The following SCN8A variants were observed in gnomAD, a reference collection of about 807,000 sequenced individuals.
The protein encoded by SCN8A is sodium channel protein type 8 subunit alpha.
In SCN8A, 30 loss-of-function variants were observed where a neutral mutation model predicts 184.1. The observed-to-expected ratio is 0.16, with a 90% CI of 0.12 to 0.22. The LOEUF (loss-of-function observed/expected upper bound fraction) is 0.22. Ranked by LOEUF, SCN8A falls within the 10% of genes least tolerant of loss-of-function variation. SCN8A has a pLI of 1.00. For missense variants in SCN8A, 1,057 were observed against 2,498.9 expected (o/e 0.42, Z 12.30); for synonymous variants, 852 against 907.0 (o/e 0.94, Z 1.09).
chr12:51,696,525 C>A (rs187298638), intron 6 of SCN8A, among the ~76,000 whole-genome samples: 37 of 152,120 alleles, frequency 2.4e-4, no homozygotes, highest in Non-Finnish European at 4.9e-4. Context: ...GATTATGATA[C>A]GATTTCCCAG....
intron 26 of SCN8A, among the ~76,000 whole-genome samples, chr12:51,797,161 ATACT>A (rs1211540462): frequency 6.6e-5 from 10 of 152,196 alleles, no homozygotes; most frequent in Non-Finnish European, 1.2e-4. Flanking sequence ...TCCTGAAATC[ATACT>A]TAATCTCCAA....
chr12:51,653,473 G>T (rs1940759581), intron 1 of SCN8A, among the ~76,000 whole-genome samples: 1 of 152,030 alleles, frequency 6.6e-6, no homozygotes, highest in Non-Finnish European at 1.5e-5. Flanking sequence ...ATTTTTTCAA[G>T]ATTCCTCCAT....
At chr12:51,747,089 A>G (rs375159) in intron 13 of SCN8A, among the ~76,000 whole-genome samples, 31,756 of 81,082 alleles carry the variant, frequency 0.39, 4,651 homozygotes, top group East Asian at 0.53. Context: ...CTCTGTGTGT[A>G]TGTGTGTGTG....
chr12:51,677,497 T>C (rs1266444226), intron 2 of SCN8A, among the ~76,000 whole-genome samples: 2 of 152,090 alleles, frequency 1.3e-5, no homozygotes, highest in African/African-American at 4.8e-5. Context: ...GTGATGACTG[T>C]GTGTGTTCAT....
rs116017760 is a variant in SCN8A at position 51,795,115 on chromosome 12, T to C, written c.4795+474T>C. Among the ~76,000 whole-genome samples, 907 of 152,284 alleles carry C rather than the reference T, an allele frequency of 6.0e-3. 6 individuals are homozygous for C. Among genetic ancestry groups the C allele is most frequent in the African/African-American group, 0.021 (867 of 41,562 alleles). On this transcript the variant is annotated intron_variant, in intron 26 of 26. Coordinates refer to ENST00000627620, the MANE Select transcript of SCN8A (RefSeq NM_001330260.2). The stretch of plus-strand genomic sequence containing the variant: ...TACTGAGATTTTACTGTGGGCCAAC[T>C]ACAGTTTGAGAGTTTCTTCACCTGT...
intron 1 of SCN8A, among the ~76,000 whole-genome samples, chr12:51,628,057 T>G (rs1940118661): frequency 6.6e-6 from 1 of 152,154 alleles, no homozygotes; most frequent in African/African-American, 2.4e-5. Flanking sequence ...GGAATGGAGT[T>G]GATAAAAAGG....
chr12:51,739,929 T>C (rs557512797), intron 12 of SCN8A, among the ~76,000 whole-genome samples: 1 of 152,344 alleles, frequency 6.6e-6, no homozygotes, highest in East Asian at 1.9e-4. Flanking sequence ...AGCAAACCAG[T>C]CATTAGCATT....
intron 21 of SCN8A, among the ~76,000 whole-genome samples, chr12:51,785,884 A>G (rs1429659540): frequency 2.0e-5 from 3 of 152,212 alleles, no homozygotes; most frequent in Non-Finnish European, 4.4e-5. Context: ...AAAAGCCTAC[A>G]AAGTCAGAAT....
At chr12:51,643,317 C>T (rs1419532396) in intron 1 of SCN8A, among the ~76,000 whole-genome samples, 1 of 152,184 alleles carries the variant, frequency 6.6e-6, no homozygotes, top group Non-Finnish European at 1.5e-5. Context: ...GTTCGAGTCT[C>T]GCTTTCTTTC....
At chr12:51,630,668 A>G (rs1217342022) in intron 1 of SCN8A, among the ~76,000 whole-genome samples, 1 of 152,112 alleles carries the variant, frequency 6.6e-6, no homozygotes, top group East Asian at 1.9e-4. Context: ...AGTGCTGGGC[A>G]CTGGCTCATG....
intron 2 of SCN8A, among the ~76,000 whole-genome samples, chr12:51,668,627 T>C (rs1941077985): frequency 6.6e-6 from 1 of 152,168 alleles, no homozygotes. Context: ...GCAGTGCTTC[T>C]GGGGGAAAGG....
chr12:51,706,386 C>T (rs776407059), intron 10 of SCN8A, 36 bp from the exon 11 acceptor site: 61 of 1,498,146 alleles, frequency 4.1e-5, no homozygotes, highest in Non-Finnish European at 5.0e-5. Flanking sequence ...AGTTAATTGC[C>T]CTGGTCTGGC....
At chr12:51,755,630 A>G (rs1305023404) in intron 14 of SCN8A, among the ~76,000 whole-genome samples, 1 of 152,084 alleles carries the variant, frequency 6.6e-6, no homozygotes, top group Non-Finnish European at 1.5e-5. Flanking sequence ...TAGAAAACTA[A>G]AAAAAAAGGA....
chr12:51,784,633 T>A (rs1271395697), intron 21 of SCN8A, among the ~76,000 whole-genome samples: 1 of 152,220 alleles, frequency 6.6e-6, no homozygotes, highest in Non-Finnish European at 1.5e-5. Flanking sequence ...TTGGATTTTA[T>A]AGGATTTTAT....
Position 51,806,194 on chromosome 12 carries a change from T to G in SCN8A, c.4796-88T>G. On this transcript the variant is annotated intron_variant, in intron 26 of 26. Coordinates refer to ENST00000627620, the MANE Select transcript of SCN8A (RefSeq NM_001330260.2). This position sits in a 1 kb window ranked among gnomAD's most constrained non-coding sequence, Gnocchi z 8.7. ...CTTATTCTGCAAAGCCCTTTGAACC[T>G]AAGGGTTCCACAATGCCAGGTAAAA... is the stretch of plus-strand genomic sequence containing the variant. The G allele has an allele frequency of 7.9e-7, 1 of 1,271,308 alleles. No individual in the cohort carries two copies. Among genetic ancestry groups the G allele is most frequent in the Non-Finnish European group, 1.1e-6 (1 of 927,088 alleles). The allele number at this position is 1,271,308 out of a possible 1,614,324, so 78.8% of individuals were successfully genotyped here. A position where few individuals can be genotyped will look rare whatever the true frequency, so the allele number is the denominator to read the frequency against.
rs373206869 is a variant in SCN8A at position 51,658,588 on chromosome 12, A to G, written c.-54-4176A>G. 9.2e-5 allele frequency among the ~76,000 whole-genome samples: 14 copies of G among 152,288 alleles called. No individual in the cohort carries two copies. In the South Asian group the frequency reaches 1.7e-3, roughly 18 times the overall value. On this transcript the variant is annotated intron_variant, in intron 1 of 26. Coordinates refer to ENST00000627620, the MANE Select transcript of SCN8A (RefSeq NM_001330260.2). Reference sequence around the variant, plus strand: ...AAAGGCTCACATATTGTGTGAGTCCATTTATATGAAACATCTAGAATAGAT... The same window carrying G: ...AAAGGCTCACATATTGTGTGAGTCCGTTTATATGAAACATCTAGAATAGAT...
chr12:51,623,882 G>C (rs1940018887), intron 1 of SCN8A, among the ~76,000 whole-genome samples: 1 of 152,042 alleles, frequency 6.6e-6, no homozygotes, highest in Non-Finnish European at 1.5e-5. Context: ...TTTTGTCCTT[G>C]TGATAGTTTG....
At chr12:51,737,237 G>A (rs527395860) in intron 12 of SCN8A, among the ~76,000 whole-genome samples, 15 of 151,768 alleles carry the variant, frequency 9.9e-5, no homozygotes, top group Non-Finnish European at 1.9e-4. Flanking sequence ...TAAATAAGGA[G>A]TTAGAGTCCG....
chr12:51,683,386 TG>T (rs757358327), intron 2 of SCN8A, among the ~76,000 whole-genome samples: 1 of 152,226 alleles, frequency 6.6e-6, no homozygotes, highest in Non-Finnish European at 1.5e-5. Flanking sequence ...TTTGGCTAGA[TG>T]GGAACATTCA....
Sources: allele counts gnomAD v4.1 joint callset (sites outside exome capture counted in the v4.1 genomes callset), GRCh38; gene constraint gnomAD v4.1.1; non-coding constraint Gnocchi (gnomAD v3.1); transcripts MANE v1.5; gene names NCBI Gene and HGNC (gene_info 2026-07-23, HGNC 2026-07-21).